NISCH: variants seen among roughly 807,000 people sequenced by gnomAD.
NISCH encodes the protein nischarin.
In NISCH, 55 loss-of-function variants were observed where a neutral mutation model predicts 138.4. The ratio of observed to expected loss-of-function variants is 0.40; its 90% CI spans 0.32 to 0.50. The LOEUF is 0.50. Ranked by LOEUF, NISCH falls within the 20% of genes least tolerant of loss-of-function variation. The pLI is 0.71. For synonymous variants in NISCH, 860 were observed against 861.5 expected (o/e 1.00, Z 0.03); for missense variants, 1,643 against 2,005.5 (o/e 0.82, Z 3.45).
intron 3 of NISCH, among the ~76,000 whole-genome samples, chr3:52,459,581 G>C (rs1232106624): frequency 6.6e-6 from 1 of 151,910 alleles, no homozygotes; most frequent in Non-Finnish European, 1.5e-5. Flanking sequence ...CTACAGACTT[G>C]CACCACCACA....
chr3:52,467,056 A>AATG (rs1553654096), intron 3 of NISCH, among the ~76,000 whole-genome samples: 1 of 142,880 alleles, frequency 7.0e-6, no homozygotes, highest in Non-Finnish European at 1.5e-5. Flanking sequence ...GCTGGAGTGC[A>AATG]ATGATGCAAT....
rs1707609757 is a variant in NISCH at position 52,492,834 on chromosome 3, G to A, written c.*352G>A. 2 of 249,482 alleles carry A rather than the reference G, an allele frequency of 8.0e-6. No individual in the cohort carries two copies. The highest frequency in any genetic ancestry group is 1.5e-5 in the Non-Finnish European group (2 of 129,936). 15.5% of individuals were successfully genotyped at this position (249,482 alleles called of 1,614,324 possible). On this transcript the variant is annotated 3_prime_UTR_variant, in exon 21 of 21. Coordinates refer to ENST00000345716, the MANE Select transcript of NISCH (RefSeq NM_007184.4). ...GTGTCGAGTCCAGTCCTTTGTTGCTGTTGCTGTTGCTGTTGCTGTTGCTGT... is the reference window on the plus strand; with the variant it reads ...GTGTCGAGTCCAGTCCTTTGTTGCTATTGCTGTTGCTGTTGCTGTTGCTGT...
chr3:52,463,095 C>G (rs1316561519), intron 3 of NISCH, among the ~76,000 whole-genome samples: 1 of 152,218 alleles, frequency 6.6e-6, no homozygotes, highest in Non-Finnish European at 1.5e-5. Flanking sequence ...GAACCTGTAC[C>G]TGTTAGCAGG....
intron 16 of NISCH, among the ~76,000 whole-genome samples, 182 bp from the exon 17 acceptor site, chr3:52,489,154 A>G (rs1707492785): frequency 1.3e-5 from 2 of 152,190 alleles, no homozygotes; most frequent in Admixed American, 6.5e-5. Context: ...TGCTGGGATT[A>G]CAGACATGAG....
rs771037176 is a variant in NISCH at position 52,472,390 on chromosome 3, C to G, written c.661C>G (p.Gln221Glu). 3 of 1,613,834 alleles carry G rather than the reference C, an allele frequency of 1.9e-6. No homozygotes were observed. Among genetic ancestry groups the G allele is most frequent in the Non-Finnish European group, 2.5e-6 (3 of 1,179,862 alleles). The change falls in exon 6 of 21, where the codon CAG becomes GAG. Residue 221 changes from glutamine to glutamate, a missense_variant. Gln to Glu is a conservative substitution (Grantham distance 29). Transcript: ENST00000345716. ...CCTATCAATATTCAAGTCCCTGCAT[C>G]AGGTGGAGGTAAGGCCCAGCGCTGC... ...FDLSIFKSLH[Q>E]VEISHCDAKH...
chr3:52,485,871 CT>C, intron 15 of NISCH, 44 bp downstream of exon 15: 4 of 1,542,994 alleles, frequency 2.6e-6, no homozygotes, highest in Non-Finnish European at 3.5e-6. Context: ...GCCACACAGC[CT>C]TATGCACACA....
chr3:52,458,152 A>G (rs537730863), intron 2 of NISCH, among the ~76,000 whole-genome samples: 1 of 152,360 alleles, frequency 6.6e-6, no homozygotes, highest in African/African-American at 2.4e-5. Context: ...TTCAGTTTTA[A>G]TATTTCCAGT....
chr3:52,472,584 C>T (rs766019950), intron 6 of NISCH, among the ~76,000 whole-genome samples, 186 bp downstream of exon 6: 2 of 152,244 alleles, frequency 1.3e-5, no homozygotes, highest in Non-Finnish European at 2.9e-5. Flanking sequence ...CTGTCCCTGG[C>T]TGGTCTGCAC....
intron 13 of NISCH, chr3:52,480,983 C>G (rs902154983): frequency 2.2e-5 from 32 of 1,456,108 alleles, no homozygotes; most frequent in Non-Finnish European, 2.8e-5. Flanking sequence ...AGCCGAGGCT[C>G]GGGACACGCA....
chr3:52,473,840 C>T lies in NISCH; in HGVS notation c.765+11C>T. ...GCAACCTCGATGAAGGTAAGCTTCA[C>T]CTATATCCTGCCTGGGGCAATGTCT... On this transcript the variant is annotated intron_variant, in intron 7 of 20. Coordinates refer to ENST00000345716, the MANE Select transcript of NISCH (RefSeq NM_007184.4). The T allele has an allele frequency of 1.3e-6, 2 of 1,586,870 alleles. No individual in the cohort carries two copies. Among genetic ancestry groups the T allele is most frequent in the Non-Finnish European group, 8.6e-7 (1 of 1,158,796 alleles).
Position 52,473,822 on chromosome 3 carries a change from C to G in NISCH, c.758C>G (p.Ser253Trp), listed in dbSNP as rs748430765. Residue 253 changes from serine (S) to tryptophan (W), a missense_variant, in exon 7 of 21, where the codon TCG becomes TGG. Physicochemically the swap from Ser to Trp is radical, Grantham distance 177. Coordinates refer to ENST00000345716, the MANE Select transcript of NISCH (RefSeq NM_007184.4). ...ATLSVRFSATSMKEVLVPEAS... is the reference protein window; with the variant it reads ...ATLSVRFSATWMKEVLVPEAS... ...CTGAGTGTCCGCTTCTCAGCAACCTCGATGAAGGTAAGCTTCACCTATATC... is the reference window on the plus strand; with the variant it reads ...CTGAGTGTCCGCTTCTCAGCAACCTGGATGAAGGTAAGCTTCACCTATATC... 2 of 1,606,142 alleles carry G rather than the reference C, an allele frequency of 1.2e-6. No individual in the cohort carries two copies. Among genetic ancestry groups the G allele is most frequent in the African/African-American group, 1.3e-5 (1 of 74,920 alleles).
rs765510127 is a variant in NISCH, at chr3:52,480,559, G to A, written c.1528+264G>A. On this transcript the variant is annotated intron_variant, in intron 13 of 20. Coordinates refer to ENST00000345716, the MANE Select transcript of NISCH (RefSeq NM_007184.4). ...TCCTCTAGGAGACCGCAGGGTGTCT[G>A]ACAGGCCCTGAGGCTGCCCTCTGAA... 4.1e-6 allele frequency: 6 copies of A among 1,456,832 alleles called. No individual in the cohort carries two copies. The African/African-American group carries it at 7.1e-5, about 17-fold the overall frequency. 90.2% of individuals were successfully genotyped at this position (1,456,832 alleles called of 1,614,324 possible).
At position 52,485,822 on chromosome 3, in the gene NISCH, T is replaced by G; in HGVS notation, c.1698T>G (p.Gly566=). 6.3e-7 allele frequency: 1 copy of G among 1,578,338 alleles called. No homozygotes were observed. The highest frequency in any genetic ancestry group is 8.6e-7 in the Non-Finnish European group (1 of 1,160,624). ...GGGACGTGCCAGGAGCTGTTGGTGG[T>G]GCAAGGTAAGGAAGAGGTTGGAAAG... ...DLRDVPGAVG[G]ASPEHAEPEV... is the part of the protein sequence containing the mutation. Residue 566 remains glycine (G), a synonymous_variant, in exon 15 of 21, where the codon GGT becomes GGG. Coordinates refer to ENST00000345716, the MANE Select transcript of NISCH (RefSeq NM_007184.4).
intron 15 of NISCH, among the ~76,000 whole-genome samples, chr3:52,486,738 G>A (rs1050086569): frequency 2.0e-5 from 3 of 152,208 alleles, no homozygotes; most frequent in East Asian, 1.9e-4. Context: ...TGAGGGCTGC[G>A]GTGGCCAAGA....
intron 3 of NISCH, among the ~76,000 whole-genome samples, chr3:52,463,571 T>C (rs561646658): frequency 1.3e-5 from 2 of 152,346 alleles, no homozygotes; most frequent in East Asian, 3.9e-4. Context: ...CCATCGGCAG[T>C]GTATAGGTTC....
chr3:52,478,081 C>A lies in NISCH; in HGVS notation c.988-16C>A. 6.2e-7 allele frequency: 1 copy of A among 1,612,606 alleles called. No homozygotes were observed. Among genetic ancestry groups the A allele is most frequent in the East Asian group, 2.2e-5 (1 of 44,880 alleles). The stretch of plus-strand genomic sequence containing the variant: ...TTGACCTGAGCCACTTTACGCTGTT[C>A]TCCACGCCGCTGCAGCACCTGTATA... On this transcript the variant is annotated splice_polypyrimidine_tract_variant and intron_variant, in intron 9 of 20. Coordinates refer to ENST00000345716, the MANE Select transcript of NISCH (RefSeq NM_007184.4).
In NISCH at chr3:52,476,440, T is replaced by C. The variant is rs1707099138; in HGVS notation, c.766-7T>C. On this transcript the variant is annotated splice_region_variant and splice_polypyrimidine_tract_variant and intron_variant, in intron 7 of 20. Coordinates refer to ENST00000345716, the MANE Select transcript of NISCH (RefSeq NM_007184.4). The stretch of plus-strand genomic sequence containing the variant: ...GTGTGGTGCTCCACACAGATGTTTT[T>C]ATGCAGGAAGTCCTTGTTCCTGAAG... 3.1e-6 allele frequency: 5 copies of C among 1,613,944 alleles called. No individual in the cohort carries two copies. Among genetic ancestry groups the C allele is most frequent in the African/African-American group, 2.7e-5 (2 of 75,056 alleles).
chr3:52,482,313 AG>A (rs1354031424), intron 13 of NISCH, among the ~76,000 whole-genome samples: 1 of 152,150 alleles, frequency 6.6e-6, no homozygotes, highest in African/African-American at 2.4e-5. Flanking sequence ...GCCTGCCTGA[AG>A]GGGGCGCTGT....
chr3:52,471,801 A>T lies in NISCH; in HGVS notation c.410-13A>T. 1 of 1,613,880 alleles carries T rather than the reference A, an allele frequency of 6.2e-7. No individual in the cohort carries two copies. The highest frequency in any genetic ancestry group is 2.2e-5 in the East Asian group (1 of 44,878). The stretch of plus-strand genomic sequence containing the variant: ...CGGCTGGACACTTATCCTTCAGGGC[A>T]TGGCTCTTGCAGGAGAACAGCTCCT... On this transcript the variant is annotated splice_polypyrimidine_tract_variant and intron_variant, in intron 4 of 20. Coordinates refer to ENST00000345716, the MANE Select transcript of NISCH (RefSeq NM_007184.4).
Sources: gnomAD v4.1 joint callset for allele counts (sites outside exome capture counted in the v4.1 genomes callset) on GRCh38, gnomAD v4.1.1 for gene constraint, MANE v1.5 for transcripts, NCBI Gene and HGNC (gene_info 2026-07-23, HGNC 2026-07-21) for gene names.